Variants in PTPRD observed in about 807,000 individuals in gnomAD.
PTPRD encodes protein tyrosine phosphatase receptor type D.
In PTPRD, 34 loss-of-function variants were observed where a neutral mutation model predicts 214.5. That is an observed-to-expected ratio of 0.16 (90% CI 0.12 to 0.21). The LOEUF (loss-of-function observed/expected upper bound fraction) is 0.21, where lower values mean the gene tolerates loss of function less well. PTPRD is among the 10% of genes least tolerant of loss of function. The pLI is 1.00. For synonymous variants in PTPRD, 1,128 were observed against 845.7 expected, an observed-to-expected ratio of 1.33 and a Z score of -5.79; for missense variants, 2,545 against 2,398.7, an observed-to-expected ratio of 1.06 and a Z score of -1.27.
chr9:8,432,075 G>T (rs1590241413), intron 35 of PTPRD, among the ~76,000 whole-genome samples: 1 of 152,306 alleles, frequency 6.6e-6, no homozygotes, highest in East Asian at 1.9e-4. Context: ...GCAACCAAAT[G>T]ATCTGTAGGC....
chr9:10,504,234 A>T (rs1185993344), intron 2 of PTPRD, among the ~76,000 whole-genome samples: 1 of 151,422 alleles, frequency 6.6e-6, no homozygotes. Context: ...TATGCATCGA[A>T]CTCTCTCCTA....
chr9:10,463,568 G>A (rs1377939696), intron 2 of PTPRD, among the ~76,000 whole-genome samples: 3 of 152,084 alleles, frequency 2.0e-5, no homozygotes, highest in Non-Finnish European at 4.4e-5. Context: ...AATTCACAAT[G>A]ACCTCAGTAC....
chr9:9,071,463 G>C (rs147896129), intron 10 of PTPRD, among the ~76,000 whole-genome samples: 195 of 152,270 alleles, frequency 1.3e-3, no homozygotes, highest in Admixed American at 2.6e-3. Context: ...ACATAGGAGA[G>C]AGTCTTCTTG....
intron 9 of PTPRD, among the ~76,000 whole-genome samples, chr9:9,368,416 TC>T (rs1596472481): frequency 6.6e-6 from 1 of 151,820 alleles, no homozygotes; most frequent in African/African-American, 2.4e-5. Context: ...TACATTTGCA[TC>T]CTTTCATCTA....
At chr9:8,916,619 T>C in intron 11 of PTPRD, among the ~76,000 whole-genome samples, 1 of 152,188 alleles carries the variant, frequency 6.6e-6, no homozygotes, top group African/African-American at 2.4e-5. Context: ...GATATAGTTG[T>C]AAAATTATCC....
intron 7 of PTPRD, among the ~76,000 whole-genome samples, chr9:9,603,889 T>G (rs1169948474): frequency 6.6e-6 from 1 of 151,972 alleles, no homozygotes; most frequent in Non-Finnish European, 1.5e-5. Context: ...CAGGTGCAGG[T>G]TTTTTACAGA....
At chr9:9,328,867 A>G (rs1451387665) in intron 9 of PTPRD, among the ~76,000 whole-genome samples, 1 of 150,956 alleles carries the variant, frequency 6.6e-6, no homozygotes, top group Non-Finnish European at 1.5e-5. Flanking sequence ...TGAACTCCTG[A>G]CCTCAAGTTA....
chr9:9,022,713 T>G (rs748422639), intron 10 of PTPRD, among the ~76,000 whole-genome samples: 8 of 152,172 alleles, frequency 5.3e-5, no homozygotes, highest in Non-Finnish European at 8.8e-5. Flanking sequence ...GAAGTCAACA[T>G]AATTTGCAGA....
chr9:9,906,461 A>G (rs2077593352), intron 5 of PTPRD, among the ~76,000 whole-genome samples: 1 of 151,928 alleles, frequency 6.6e-6, no homozygotes, highest in Admixed American at 6.6e-5. Flanking sequence ...TGCCTACGTA[A>G]TCAGTAGGCA....
At chr9:9,814,963 C>G (rs1225243467) in intron 5 of PTPRD, among the ~76,000 whole-genome samples, 1 of 151,900 alleles carries the variant, frequency 6.6e-6, no homozygotes, top group African/African-American at 2.4e-5. Flanking sequence ...CCACACCTGA[C>G]TAATTTTTAT....
chr9:10,104,979 T>G (rs2098609132), intron 3 of PTPRD, among the ~76,000 whole-genome samples: 1 of 151,756 alleles, frequency 6.6e-6, no homozygotes, highest in Non-Finnish European at 1.5e-5. Flanking sequence ...TCACAACACA[T>G]TTTTCTCCCT....
At chr9:10,014,759 A>G (rs1269653730) in intron 4 of PTPRD, among the ~76,000 whole-genome samples, 2 of 152,068 alleles carry the variant, frequency 1.3e-5, no homozygotes, top group Non-Finnish European at 2.9e-5. Flanking sequence ...ATTATATGAT[A>G]TAGACCTATT....
At chr9:10,602,847 T>C (rs1383066123) in intron 2 of PTPRD, among the ~76,000 whole-genome samples, 2 of 151,802 alleles carry the variant, frequency 1.3e-5, no homozygotes, top group East Asian at 3.9e-4. Context: ...ATGTGGGGCA[T>C]GCATTAAAAT....
chr9:8,674,430 C>T (rs2097357152), intron 12 of PTPRD, among the ~76,000 whole-genome samples: 1 of 134,722 alleles, frequency 7.4e-6, no homozygotes, highest in Non-Finnish European at 1.5e-5. Flanking sequence ...TGCACTCCAG[C>T]CTGGTGGCAG....
intron 10 of PTPRD, among the ~76,000 whole-genome samples, chr9:9,053,760 G>C (rs1186940287): frequency 3.3e-5 from 5 of 152,138 alleles, no homozygotes; most frequent in African/African-American, 1.2e-4. Context: ...TAGTGTGAGT[G>C]AAAATTGGAT....
intron 4 of PTPRD, among the ~76,000 whole-genome samples, chr9:9,968,959 G>C (rs1214482397): frequency 1.3e-5 from 2 of 152,180 alleles, no homozygotes; most frequent in East Asian, 3.9e-4. Flanking sequence ...ACGATAAGCT[G>C]GTAAATTCAT....
Position 8,426,525 on chromosome 9 carries a change from T to G in PTPRD, c.4086+10067A>C, listed in dbSNP as rs562882145. 4.6e-5 allele frequency among the ~76,000 whole-genome samples: 7 copies of G among 152,356 alleles called. No homozygotes were observed. In the South Asian group the frequency reaches 1.4e-3, roughly 32 times the overall value. The stretch of plus-strand genomic sequence containing the variant: ...CTTTGGAAGCAGAGACAGAGTTGTT[T>G]CCTGAGAGCCTTGGGCTCCACATGG... On this transcript the variant is annotated intron_variant, in intron 35 of 45. Coordinates refer to ENST00000381196, the MANE Select transcript of PTPRD (RefSeq NM_002839.4).
chr9:8,487,172 CT>C (rs2097039809), intron 27 of PTPRD, among the ~76,000 whole-genome samples: 1 of 152,116 alleles, frequency 6.6e-6, no homozygotes, highest in African/African-American at 2.4e-5. Flanking sequence ...ATGTAAAAGT[CT>C]TAGCATGAGG....
intron 9 of PTPRD, among the ~76,000 whole-genome samples, chr9:9,281,940 T>A (rs1228420922): frequency 6.6e-6 from 1 of 151,184 alleles, no homozygotes; most frequent in East Asian, 2.0e-4. Flanking sequence ...TCAACATGAG[T>A]TATCAAGCCA....
Sources: allele counts gnomAD v4.1 joint callset (sites outside exome capture counted in the v4.1 genomes callset), GRCh38; gene constraint gnomAD v4.1.1; transcripts MANE v1.5; gene names NCBI Gene and HGNC (gene_info 2026-07-23, HGNC 2026-07-21).